The following CPPED1 variants were observed in gnomAD, a reference collection of about 807,000 sequenced individuals.
The protein encoded by CPPED1 is calcineurin like phosphoesterase domain containing 1.
CPPED1 carries 28 observed loss-of-function variants against 28.0 expected under a neutral mutation model. That is an observed-to-expected ratio of 1.00 (90% CI 0.74 to 1.37). The LOEUF (loss-of-function observed/expected upper bound fraction) is 1.37. Among genes scored for constraint, CPPED1 ranks in the 40% most tolerant of loss-of-function variants. The pLI, the probability that CPPED1 is intolerant of heterozygous loss-of-function variation, is 0.00. For synonymous variants in CPPED1, 198 were observed against 180.2 expected (o/e 1.10, Z -0.79); for missense variants, 504 against 416.5 (o/e 1.21, Z -1.83).
In CPPED1 at chr16:12,661,547, AC is replaced by A. The variant is rs1158074517; in HGVS notation, c.*3338del. Reference sequence around the variant, plus strand: ...ATCCAATTTGAGATCACTTTAAAAAACCTTCCCCCGTAACATGTCCTTGTGT... The same window carrying A: ...ATCCAATTTGAGATCACTTTAAAAAACTTCCCCCGTAACATGTCCTTGTGT... On this transcript the variant is annotated 3_prime_UTR_variant, in exon 4 of 4. Coordinates refer to ENST00000381774, the MANE Select transcript of CPPED1 (RefSeq NM_018340.3). The A allele has an allele frequency of 6.6e-6, 1 of 152,126 alleles. No individual in the cohort carries two copies. The highest frequency in any genetic ancestry group is 2.4e-5 in the African/African-American group (1 of 41,422). 9.4% of individuals were successfully genotyped at this position (152,126 alleles called of 1,614,324 possible).
intron 2 of CPPED1, among the ~76,000 whole-genome samples, chr16:12,731,302 C>T (rs1020605047): frequency 5.4e-4 from 82 of 151,452 alleles, no homozygotes; most frequent in Admixed American, 4.8e-3. Context: ...CACAGGCACC[C>T]GCCACCACGC....
chr16:12,736,132 A>T (rs752392628), intron 2 of CPPED1, among the ~76,000 whole-genome samples: 1 of 152,120 alleles, frequency 6.6e-6, no homozygotes, highest in Non-Finnish European at 1.5e-5. Context: ...ATATCTAGGG[A>T]AGCTTGGGCC....
At chr16:12,744,656 C>T (rs1013598625) in intron 2 of CPPED1, among the ~76,000 whole-genome samples, 1 of 152,062 alleles carries the variant, frequency 6.6e-6, no homozygotes, top group Non-Finnish European at 1.5e-5. Context: ...GAAAATAGAG[C>T]TGGGAGTGCA....
intron 2 of CPPED1, among the ~76,000 whole-genome samples, chr16:12,740,246 C>G (rs4486877): frequency 0.83 from 126,574 of 151,676 alleles, 53,281 homozygotes; most frequent in African/African-American, 0.95. Flanking sequence ...AGGAGTTCAA[C>G]ACCAGCCTGG....
In CPPED1 at chr16:12,720,401, C is replaced by T. The variant is rs185221461; in HGVS notation, c.290-15352G>A. 10 of 154,458 alleles carry T rather than the reference C, an allele frequency of 6.5e-5. No homozygotes were observed. The East Asian group carries it at 1.5e-3, about 24-fold the overall frequency. The allele number at this position is 154,458 out of a possible 1,614,324, so 9.6% of individuals were successfully genotyped here. On this transcript the variant is annotated intron_variant, in intron 2 of 3. Transcript: ENST00000381774. ...TTTTCCTAAAGAGGTGTTCAAATCCCGCACACCAAAGGATTTGTGCTTCAG... is the reference window on the plus strand; with the variant it reads ...TTTTCCTAAAGAGGTGTTCAAATCCTGCACACCAAAGGATTTGTGCTTCAG...
At chr16:12,728,757 A>C (rs1411487548) in intron 2 of CPPED1, among the ~76,000 whole-genome samples, 1 of 152,202 alleles carries the variant, frequency 6.6e-6, no homozygotes, top group African/African-American at 2.4e-5. Flanking sequence ...AGTGAGCTAT[A>C]ACCAGGGAGG....
intron 2 of CPPED1, among the ~76,000 whole-genome samples, chr16:12,711,187 C>G (rs1567283102): frequency 6.6e-6 from 1 of 152,186 alleles, no homozygotes; most frequent in African/African-American, 2.4e-5. Flanking sequence ...CATGCTACAA[C>G]ATGGATGAAC....
chr16:12,774,523 T>C (rs924267182), intron 2 of CPPED1, among the ~76,000 whole-genome samples: 3 of 152,170 alleles, frequency 2.0e-5, no homozygotes, highest in Admixed American at 1.3e-4. Flanking sequence ...GCTTTTGTCT[T>C]AGAAATCTCT....
Position 12,803,765 on chromosome 16 carries a change from T to G in CPPED1, c.12A>C (p.Ala4=). ...CTCTGTGGAAAACACCCCCCGCCTCTGCAGCCGACATGGCGAGCGAGTTTC... is the reference window on the plus strand; with the variant it reads ...CTCTGTGGAAAACACCCCCCGCCTCGGCAGCCGACATGGCGAGCGAGTTTC... The part of the protein sequence containing the change: MSA[A]EAGGVFHRAR... Residue 4 remains alanine, a synonymous_variant, in exon 1 of 4, where the codon GCA becomes GCC. Transcript: ENST00000381774. The G allele has an allele frequency of 6.2e-7, 1 of 1,600,830 alleles. No individual in the cohort carries two copies. Among genetic ancestry groups the G allele is most frequent in the Non-Finnish European group, 8.5e-7 (1 of 1,174,652 alleles).
At chr16:12,752,497 C>T (rs555639166) in intron 2 of CPPED1, among the ~76,000 whole-genome samples, 2 of 151,980 alleles carry the variant, frequency 1.3e-5, no homozygotes, top group South Asian at 2.1e-4. Context: ...CAATCTGTGT[C>T]AGCTCTGAGT....
At chr16:12,724,017 T>G (rs901700145) in intron 2 of CPPED1, among the ~76,000 whole-genome samples, 1 of 152,122 alleles carries the variant, frequency 6.6e-6, no homozygotes, top group African/African-American at 2.4e-5. Flanking sequence ...CCCTTCATGG[T>G]GCATGGTTTC....
intron 1 of CPPED1, among the ~76,000 whole-genome samples, chr16:12,788,911 G>C (rs1456916297): frequency 1.3e-5 from 2 of 152,186 alleles, no homozygotes; most frequent in African/African-American, 2.4e-5. Context: ...TTGATTTGAG[G>C]CACAGGCGGG....
chr16:12,793,165 A>G (rs922858635), intron 1 of CPPED1, among the ~76,000 whole-genome samples: 1 of 152,194 alleles, frequency 6.6e-6, no homozygotes, highest in African/African-American at 2.4e-5. Context: ...TTAAAACCTT[A>G]CACGATAGCG....
chr16:12,800,741 C>CA (rs1014953700), intron 1 of CPPED1, among the ~76,000 whole-genome samples: 16 of 152,174 alleles, frequency 1.1e-4, no homozygotes, highest in Admixed American at 7.9e-4. Context: ...GCTCCAGACT[C>CA]AGAGACTTCC....
At chr16:12,747,919 C>A (rs1311094472) in intron 2 of CPPED1, among the ~76,000 whole-genome samples, 2 of 152,308 alleles carry the variant, frequency 1.3e-5, no homozygotes, top group Middle Eastern at 3.4e-3. Flanking sequence ...CCAATTATAT[C>A]TCCATAAACC....
At chr16:12,737,690 G>A (rs2080233778) in intron 2 of CPPED1, among the ~76,000 whole-genome samples, 1 of 152,224 alleles carries the variant, frequency 6.6e-6, no homozygotes, top group African/African-American at 2.4e-5. Flanking sequence ...ACTGTGTGAG[G>A]CTGCAGTGGT....
intron 2 of CPPED1, among the ~76,000 whole-genome samples, chr16:12,723,164 G>A (rs879481580): frequency 1.3e-5 from 2 of 152,154 alleles, no homozygotes; most frequent in African/African-American, 2.4e-5. Context: ...CACATATAGT[G>A]CACACATACA....
intron 3 of CPPED1, among the ~76,000 whole-genome samples, chr16:12,695,339 A>G (rs988339245): frequency 6.6e-6 from 1 of 152,100 alleles, no homozygotes; most frequent in Non-Finnish European, 1.5e-5. Flanking sequence ...ATCACAGCTC[A>G]CTGCAGACTT....
Position 12,663,869 on chromosome 16 carries a change from T to C in CPPED1, c.*1017A>G, listed in dbSNP as rs1321033369. ...AGAAGATGCGGTAAAACAGGTTACATAAAAAACAATGCTGGTTTGAAATAA... is the reference window on the plus strand; with the variant it reads ...AGAAGATGCGGTAAAACAGGTTACACAAAAAACAATGCTGGTTTGAAATAA... On this transcript the variant is annotated 3_prime_UTR_variant, in exon 4 of 4. Transcript: ENST00000381774. The C allele has an allele frequency of 6.6e-6, 1 of 152,224 alleles. No homozygotes were observed. Among genetic ancestry groups the C allele is most frequent in the African/African-American group, 2.4e-5 (1 of 41,456 alleles). 9.4% of individuals were successfully genotyped at this position (152,224 alleles called of 1,614,324 possible).
Sources: allele counts gnomAD v4.1 joint callset (sites outside exome capture counted in the v4.1 genomes callset), GRCh38; gene constraint gnomAD v4.1.1; transcripts MANE v1.5; gene names NCBI Gene and HGNC (gene_info 2026-07-23, HGNC 2026-07-21).